The following BICC1 variants were observed in gnomAD, a reference collection of about 807,000 sequenced individuals.
BICC1 encodes the protein protein bicaudal C homolog 1.
In BICC1, 43 loss-of-function variants were observed where a neutral mutation model predicts 111.0. That is an observed-to-expected ratio of 0.39 (90% confidence interval 0.30 to 0.50). BICC1 has a LOEUF of 0.50. BICC1 is among the 20% of genes least tolerant of loss of function. The pLI, the probability that BICC1 is intolerant of heterozygous loss-of-function variation, is 0.88. For missense variants in BICC1, 1,091 were observed against 1,203.2 expected, an observed-to-expected ratio of 0.91 and a Z score of 1.38; for synonymous variants, 467 against 434.4, an observed-to-expected ratio of 1.07 and a Z score of -0.93.
chr10:58,768,894 C>G lies in BICC1; in HGVS notation c.308-16107C>G, dbSNP rs578229687. ...AGAGAGGTATAAAGAAACAAAACAA[C>G]TGCAAAACAATCAGAAAACAACAAA... On this transcript the variant is annotated intron_variant, in intron 3 of 20. Coordinates refer to ENST00000373886, the MANE Select transcript of BICC1 (RefSeq NM_001080512.3). 1.3e-4 allele frequency among the ~76,000 whole-genome samples: 20 copies of G among 152,042 alleles called. No homozygotes were observed. The Middle Eastern group carries it at 0.01, about 78-fold the overall frequency.
chr10:58,653,003 A>G (rs1205886617), intron 2 of BICC1, among the ~76,000 whole-genome samples: 1 of 152,192 alleles, frequency 6.6e-6, no homozygotes. Flanking sequence ...CATTTTGGGC[A>G]TGCAGGTGAG....
intron 3 of BICC1, chr10:58,716,140 G>A (rs1241580790): frequency 6.7e-7 from 1 of 1,503,650 alleles, no homozygotes; most frequent in East Asian, 2.5e-5. Flanking sequence ...GTCCTTGTAA[G>A]AATCAGAGTA....
chr10:58,601,140 T>TATATATA (rs1554810885), intron 1 of BICC1, among the ~76,000 whole-genome samples: 15 of 100,662 alleles, frequency 1.5e-4, no homozygotes, highest in South Asian at 6.3e-4. Context: ...ATTTTAAAAC[T>TATATATA]TATATATATA....
At chr10:58,697,532 T>G (rs988191104) in intron 2 of BICC1, among the ~76,000 whole-genome samples, 5 of 152,212 alleles carry the variant, frequency 3.3e-5, no homozygotes, top group Non-Finnish European at 7.3e-5. Flanking sequence ...CAAATAGTCA[T>G]TTTCTTCTCA....
chr10:58,566,190 A>G (rs1236610953), intron 1 of BICC1, among the ~76,000 whole-genome samples: 7 of 150,366 alleles, frequency 4.7e-5, no homozygotes, highest in African/African-American at 5.0e-5. Context: ...ACGTGTGTAT[A>G]TGTGTGTATA....
In BICC1 at chr10:58,747,500, G is replaced by A. The variant is rs147656657; in HGVS notation, c.308-37501G>A. Among the ~76,000 whole-genome samples the A allele has an allele frequency of 3.0e-4, 45 of 151,964 alleles. 1 individual carries two copies. Among genetic ancestry groups the A allele is most frequent in the Admixed American group, 1.2e-3 (19 of 15,234 alleles). ...TATTATTTTTGATTGAAAAATTATC[G>A]TATACATTTATGGGGTACAATGTGA... On this transcript the variant is annotated intron_variant, in intron 3 of 20. Transcript: ENST00000373886.
At chr10:58,530,707 T>C (rs1409126748) in intron 1 of BICC1, among the ~76,000 whole-genome samples, 3 of 131,600 alleles carry the variant, frequency 2.3e-5, no homozygotes, top group Non-Finnish European at 4.9e-5. Context: ...AAAAAGAAAA[T>C]CAGAAAGGGA....
intron 3 of BICC1, among the ~76,000 whole-genome samples, chr10:58,732,163 C>T (rs1263273231): frequency 6.6e-6 from 1 of 151,264 alleles, no homozygotes; most frequent in African/African-American, 2.4e-5. Context: ...CTTCCTTCTG[C>T]TTGAACATTT....
chr10:58,664,235 A>T (rs777763059), intron 2 of BICC1, among the ~76,000 whole-genome samples: 4 of 152,156 alleles, frequency 2.6e-5, no homozygotes, highest in African/African-American at 9.6e-5. Flanking sequence ...GTTATTATCT[A>T]TCTTTTGAAA....
At chr10:58,757,401 C>T (rs1842177208) in intron 3 of BICC1, among the ~76,000 whole-genome samples, 1 of 152,124 alleles carries the variant, frequency 6.6e-6, no homozygotes, top group Admixed American at 6.5e-5. Flanking sequence ...TATCATGTTT[C>T]TATGTTTCTA....
chr10:58,624,017 T>G (rs1845908920), intron 2 of BICC1, among the ~76,000 whole-genome samples: 1 of 152,204 alleles, frequency 6.6e-6, no homozygotes, highest in Non-Finnish European at 1.5e-5. Flanking sequence ...TGAAACTTTT[T>G]GTATTTGTTA....
At chr10:58,602,665 A>T (rs932502883) in intron 1 of BICC1, among the ~76,000 whole-genome samples, 3 of 152,204 alleles carry the variant, frequency 2.0e-5, no homozygotes, top group African/African-American at 7.2e-5. Flanking sequence ...TCATAAAAGT[A>T]GGTGTGTGAT....
At chr10:58,679,797 G>A (rs1438034863) in intron 2 of BICC1, among the ~76,000 whole-genome samples, 1 of 152,110 alleles carries the variant, frequency 6.6e-6, no homozygotes, top group Non-Finnish European at 1.5e-5. Context: ...ATAAAATACT[G>A]GCAAACCGGA....
rs561501215 is a variant in BICC1, at chr10:58,771,054, A to G, written c.308-13947A>G. On this transcript the variant is annotated intron_variant, in intron 3 of 20. Transcript: ENST00000373886. ...TTAATCCTTACAACAATCTATTTCT[A>G]TGGACACCTACTTTATTCCATAGCC... Among the ~76,000 whole-genome samples the G allele has an allele frequency of 3.3e-5, 5 of 152,346 alleles. No individual in the cohort carries two copies. The East Asian group carries it at 5.8e-4, about 18-fold the overall frequency.
chr10:58,792,779 T>G (rs951823577), intron 8 of BICC1, among the ~76,000 whole-genome samples: 1 of 152,126 alleles, frequency 6.6e-6, no homozygotes, highest in Non-Finnish European at 1.5e-5. Flanking sequence ...TATATTACAA[T>G]GTGATAATAA....
chr10:58,662,450 A>G (rs1418800049), intron 2 of BICC1, among the ~76,000 whole-genome samples: 2 of 152,186 alleles, frequency 1.3e-5, no homozygotes, highest in Admixed American at 6.6e-5. Flanking sequence ...TAGTTCTTGC[A>G]TTAGGAATGT....
intron 1 of BICC1, among the ~76,000 whole-genome samples, chr10:58,561,439 A>G (rs1376635924): frequency 3.3e-5 from 5 of 151,888 alleles, no homozygotes; most frequent in African/African-American, 1.2e-4. Context: ...TGTGTTCTTT[A>G]TAGGTGAAAT....
At chr10:58,681,734 T>C (rs528147361) in intron 2 of BICC1, among the ~76,000 whole-genome samples, 19 of 152,264 alleles carry the variant, frequency 1.2e-4, no homozygotes, top group Non-Finnish European at 2.1e-4. Flanking sequence ...TTCTTAAAGA[T>C]GGTGTATCCA....
intron 1 of BICC1, among the ~76,000 whole-genome samples, chr10:58,611,002 G>A (rs1564512202): frequency 6.6e-6 from 1 of 152,178 alleles, no homozygotes; most frequent in Non-Finnish European, 1.5e-5. Context: ...CTGGCATGAT[G>A]TTATTGATTG....
Sources: allele counts gnomAD v4.1 joint callset (sites outside exome capture counted in the v4.1 genomes callset), GRCh38; gene constraint gnomAD v4.1.1; transcripts MANE v1.5; gene names NCBI Gene and HGNC (gene_info 2026-07-23, HGNC 2026-07-21).